The following ARHGEF37 variants were observed in gnomAD, a reference collection of about 807,000 sequenced individuals.
ARHGEF37 encodes Rho guanine nucleotide exchange factor (GEF) 37.
ARHGEF37 carries 55 observed loss-of-function variants against 71.1 expected under a neutral mutation model. That is an observed-to-expected ratio of 0.77 (90% confidence interval 0.62 to 0.97). The LOEUF (loss-of-function observed/expected upper bound fraction) is 0.97. Among genes scored for constraint, ARHGEF37 ranks in the 50% least tolerant of loss-of-function variants. ARHGEF37 has a pLI of 0.00. For missense variants in ARHGEF37, 765 were observed against 836.8 expected, an observed-to-expected ratio of 0.91 and a Z score of 1.06; for synonymous variants, 327 against 350.6, an observed-to-expected ratio of 0.93 and a Z score of 0.75.
At chr5:149,623,297 A>T (rs1372514653) in intron 9 of ARHGEF37, among the ~76,000 whole-genome samples, 1 of 152,154 alleles carries the variant, frequency 6.6e-6, no homozygotes, top group African/African-American at 2.4e-5. Flanking sequence ...CTTCTGCTGC[A>T]GGAATCCATG....
chr5:149,618,684 C>T (rs1454935721), intron 6 of ARHGEF37, among the ~76,000 whole-genome samples: 2 of 152,186 alleles, frequency 1.3e-5, no homozygotes, highest in Admixed American at 6.5e-5. Context: ...ACAGAAACTC[C>T]GAGAGGGTAA....
intron 12 of ARHGEF37, among the ~76,000 whole-genome samples, chr5:149,630,240 G>A (rs115126523): frequency 2.0e-5 from 3 of 152,328 alleles, no homozygotes; most frequent in Non-Finnish European, 2.9e-5. Context: ...ATTTGGCTTT[G>A]CAGGGATGGA....
chr5:149,601,898 A>C (rs1374152672), intron 3 of ARHGEF37, among the ~76,000 whole-genome samples: 1 of 151,966 alleles, frequency 6.6e-6, no homozygotes, highest in African/African-American at 2.4e-5. Flanking sequence ...GTGAGGGGAG[A>C]CTGTTGGGGA....
intron 2 of ARHGEF37, among the ~76,000 whole-genome samples, 163 bp from the exon 3 acceptor site, chr5:149,600,945 C>T (rs900598029): frequency 1.3e-5 from 2 of 152,134 alleles, no homozygotes; most frequent in South Asian, 4.1e-4. Flanking sequence ...CCTGAAAATA[C>T]CTAATTTATA....
intron 12 of ARHGEF37, among the ~76,000 whole-genome samples, chr5:149,629,573 G>A (rs895167745): frequency 9.9e-5 from 15 of 152,282 alleles, no homozygotes; most frequent in African/African-American, 3.1e-4. Context: ...GAGAGGGCAG[G>A]AGGTATATGA....
intron 1 of ARHGEF37, among the ~76,000 whole-genome samples, chr5:149,552,552 TGGG>T (rs1399427330): frequency 2.0e-5 from 3 of 152,040 alleles, no homozygotes; most frequent in Non-Finnish European, 2.9e-5. Flanking sequence ...AAAATAGAAA[TGGG>T]GGGCGGGCGC....
intron 4 of ARHGEF37, among the ~76,000 whole-genome samples, chr5:149,616,314 G>C (rs1252993507): frequency 6.6e-6 from 1 of 152,162 alleles, no homozygotes; most frequent in South Asian, 2.1e-4. Flanking sequence ...CTGTGGAGAG[G>C]CCGAGCAAGC....
At chr5:149,606,483 A>G (rs1763916370) in intron 3 of ARHGEF37, among the ~76,000 whole-genome samples, 1 of 152,162 alleles carries the variant, frequency 6.6e-6, no homozygotes, top group Non-Finnish European at 1.5e-5. Context: ...GGTCTAGCCC[A>G]TGGCTTTGGC....
chr5:149,630,528 C>T (rs1303438086), intron 12 of ARHGEF37, among the ~76,000 whole-genome samples: 2 of 152,158 alleles, frequency 1.3e-5, no homozygotes, highest in Non-Finnish European at 1.5e-5. Context: ...TTGTGCCACA[C>T]CCACCGGGAA....
chr5:149,609,078 A>T (rs1483457068), intron 3 of ARHGEF37, among the ~76,000 whole-genome samples: 2 of 152,046 alleles, frequency 1.3e-5, no homozygotes, highest in Non-Finnish European at 2.9e-5. Context: ...CCAGCTACTC[A>T]GGAGGCTGAG....
chr5:149,616,639 G>A lies in ARHGEF37; in HGVS notation c.531G>A (p.Leu177=). Residue 177 remains leucine (L), a synonymous_variant, in exon 5 of 13, where the codon CTG becomes CTA. Coordinates refer to ENST00000333677, the MANE Select transcript of ARHGEF37 (RefSeq NM_001001669.3). ...IPLQRITRYP[L]LLQKILENTV... is the part of the protein sequence containing the mutation. ...TGCAGAGGATCACCAGGTACCCACTGCTGCTGCAGAAAATCCTGGAGAACA... is the reference window on the plus strand; with the variant it reads ...TGCAGAGGATCACCAGGTACCCACTACTGCTGCAGAAAATCCTGGAGAACA... The A allele has an allele frequency of 6.2e-7, 1 of 1,613,544 alleles. No homozygotes were observed. Among genetic ancestry groups the A allele is most frequent in the Non-Finnish European group, 8.5e-7 (1 of 1,179,852 alleles).
At chr5:149,615,147 T>A (rs899630638) in intron 4 of ARHGEF37, among the ~76,000 whole-genome samples, 1 of 151,772 alleles carries the variant, frequency 6.6e-6, no homozygotes, top group Non-Finnish European at 1.5e-5. Context: ...AGTTCCAGAG[T>A]TTTTTTTGTT....
At chr5:149,558,470 C>T (rs1762782057) in intron 1 of ARHGEF37, among the ~76,000 whole-genome samples, 1 of 152,208 alleles carries the variant, frequency 6.6e-6, no homozygotes, top group African/African-American at 2.4e-5. Context: ...TGTGCCACTG[C>T]ACTCCAGCCT....
At chr5:149,586,623 T>C (rs933043741) in intron 1 of ARHGEF37, among the ~76,000 whole-genome samples, 2 of 152,218 alleles carry the variant, frequency 1.3e-5, no homozygotes, top group African/African-American at 4.8e-5. Context: ...CAGGAAGCTG[T>C]TGTACCAGTC....
chr5:149,579,338 G>T (rs1763062661), upstream of ARHGEF37, among the ~76,000 whole-genome samples: 1 of 152,100 alleles, frequency 6.6e-6, no homozygotes, highest in Non-Finnish European at 1.5e-5. Flanking sequence ...TCAGCTTTGG[G>T]GTCAGCTCTT....
intron 3 of ARHGEF37, among the ~76,000 whole-genome samples, chr5:149,608,814 G>A (rs953105131): frequency 2.6e-5 from 4 of 152,150 alleles, no homozygotes; most frequent in African/African-American, 9.7e-5. Context: ...ACTGTAACCA[G>A]TTGTGTTATG....
At position 149,605,922 on chromosome 5, in the gene ARHGEF37, T is replaced by C. The variant is rs1763901999; in HGVS notation, c.311-3626T>C. On this transcript the variant is annotated intron_variant, in intron 3 of 12. Coordinates refer to ENST00000333677, the MANE Select transcript of ARHGEF37 (RefSeq NM_001001669.3). ...CTTTCCAACTAATCCCAGCTAGAGATGAGTATCCCCTTTTATGCTAGGAAT... is the reference window on the plus strand; with the variant it reads ...CTTTCCAACTAATCCCAGCTAGAGACGAGTATCCCCTTTTATGCTAGGAAT... 2.0e-5 allele frequency among the ~76,000 whole-genome samples: 3 copies of C among 152,256 alleles called. No homozygotes were observed. In the South Asian group the frequency reaches 6.2e-4, roughly 32 times the overall value.
At chr5:149,597,260 TA>T (rs71587781) in intron 1 of ARHGEF37, among the ~76,000 whole-genome samples, 10 of 151,588 alleles carry the variant, frequency 6.6e-5, no homozygotes, top group African/African-American at 2.2e-4. Context: ...AATTATCTAT[TA>T]AAAAAAAATT....
In ARHGEF37 at chr5:149,587,575, C is replaced by T. The variant is rs6881958; in HGVS notation, c.-12+5951C>T. Among the ~76,000 whole-genome samples the T allele has an allele frequency of 6.7e-3, 1,021 of 152,286 alleles. 15 individuals carry two copies. Among genetic ancestry groups the T allele is most frequent in the African/African-American group, 0.024 (993 of 41,546 alleles). ...TTTTTCTGGCTCCAGGGCCTGGGCT[C>T]CTAACCTTCACCACACCTCTCACAA... On this transcript the variant is annotated intron_variant, in intron 1 of 12. Transcript: ENST00000333677.
Sources: allele counts gnomAD v4.1 joint callset (sites outside exome capture counted in the v4.1 genomes callset), GRCh38; gene constraint gnomAD v4.1.1; transcripts MANE v1.5; gene names NCBI Gene and HGNC (gene_info 2026-07-23, HGNC 2026-07-21).